Variants in CSGALNACT1 observed in about 807,000 individuals in gnomAD.
The protein encoded by CSGALNACT1 is beta4GalNAcT-1.
Under a neutral mutation model 51.0 loss-of-function variants are expected in CSGALNACT1, and 52 were observed. The ratio of observed to expected loss-of-function variants is 1.02; its 90% CI spans 0.82 to 1.29. The LOEUF (loss-of-function observed/expected upper bound fraction) is 1.29. Among genes scored for constraint, CSGALNACT1 ranks in the 50% most tolerant of loss-of-function variants. The probability of loss-of-function intolerance (pLI) is 0.00; values close to 1 mark genes in which losing one functional copy is unlikely to be tolerated. For missense variants in CSGALNACT1, 935 were observed against 679.2 expected, an observed-to-expected ratio of 1.38 and a Z score of -4.19; for synonymous variants, 341 against 254.4, an observed-to-expected ratio of 1.34 and a Z score of -3.24.
intron 4 of CSGALNACT1, among the ~76,000 whole-genome samples, chr8:19,499,177 G>A (rs1165840600): frequency 2.0e-5 from 3 of 152,244 alleles, no homozygotes; most frequent in South Asian, 2.1e-4. Context: ...TCCTCTGACC[G>A]ACCCATATCT....
At chr8:19,482,938 C>G (rs1383643330) in intron 4 of CSGALNACT1, among the ~76,000 whole-genome samples, 2 of 152,182 alleles carry the variant, frequency 1.3e-5, no homozygotes, top group African/African-American at 4.8e-5. Context: ...TTCTGAGGAG[C>G]AGTGAGTGGC....
At chr8:19,625,342 A>T (rs2054311491) in intron 1 of CSGALNACT1, among the ~76,000 whole-genome samples, 1 of 152,238 alleles carries the variant, frequency 6.6e-6, no homozygotes, top group African/African-American at 2.4e-5. Flanking sequence ...TGCTGTGTTT[A>T]AACAGTAAGA....
intron 1 of CSGALNACT1, among the ~76,000 whole-genome samples, chr8:19,690,223 G>A (rs1455777199): frequency 2.0e-5 from 3 of 152,178 alleles, no homozygotes; most frequent in Non-Finnish European, 4.4e-5. Context: ...AATTGCTAAA[G>A]TAACAGAAGA....
chr8:19,550,653 A>G (rs2087783680), intron 3 of CSGALNACT1, among the ~76,000 whole-genome samples: 1 of 152,096 alleles, frequency 6.6e-6, no homozygotes, highest in Non-Finnish European at 1.5e-5. Flanking sequence ...CCTGAAATCT[A>G]AAACTGTGCA....
chr8:19,518,122 C>T (rs55676623), intron 3 of CSGALNACT1, among the ~76,000 whole-genome samples: 8,365 of 152,234 alleles, frequency 0.055, 590 homozygotes, highest in African/African-American at 0.15. Context: ...ATGAGCAACA[C>T]TCCCCAGCCA....
intron 6 of CSGALNACT1, among the ~76,000 whole-genome samples, chr8:19,434,241 C>G (rs2060050984): frequency 6.6e-6 from 1 of 152,166 alleles, no homozygotes; most frequent in African/African-American, 2.4e-5. Flanking sequence ...ACAGTGCATT[C>G]TATTCCACTG....
chr8:19,439,453 G>A (rs78968865), intron 6 of CSGALNACT1, among the ~76,000 whole-genome samples: 2,251 of 152,276 alleles, frequency 0.015, 52 homozygotes, highest in African/African-American at 0.052. Context: ...TGGCTGAGAC[G>A]GAGCTCACTG....
intron 3 of CSGALNACT1, among the ~76,000 whole-genome samples, chr8:19,559,651 T>A (rs2040256977): frequency 6.6e-6 from 1 of 152,158 alleles, no homozygotes; most frequent in Non-Finnish European, 1.5e-5. Flanking sequence ...AATTTCTATG[T>A]ATATAAAAGC....
intron 5 of CSGALNACT1, among the ~76,000 whole-genome samples, chr8:19,452,371 G>A (rs2063325407): frequency 6.6e-6 from 1 of 151,368 alleles, no homozygotes; most frequent in Non-Finnish European, 1.5e-5. Context: ...TGAAAGTGGA[G>A]AGGGAAGGTA....
chr8:19,733,877 G>T (rs1436855542), intron 1 of CSGALNACT1, among the ~76,000 whole-genome samples: 1 of 152,128 alleles, frequency 6.6e-6, no homozygotes, highest in African/African-American at 2.4e-5. Context: ...ATACTGAAAA[G>T]GAAGGAACAG....
intron 4 of CSGALNACT1, among the ~76,000 whole-genome samples, chr8:19,484,600 G>T (rs1482128537): frequency 6.6e-6 from 1 of 152,164 alleles, no homozygotes; most frequent in African/African-American, 2.4e-5. Flanking sequence ...CAAGTTGCCT[G>T]GTTGCAGGAC....
intron 4 of CSGALNACT1, among the ~76,000 whole-genome samples, chr8:19,502,559 C>T (rs1372751639): frequency 2.0e-5 from 3 of 152,298 alleles, no homozygotes; most frequent in African/African-American, 2.4e-5. Flanking sequence ...ATTTCTTCTC[C>T]GTTTGGAACT....
In CSGALNACT1 at chr8:19,665,731, C is replaced by T. The variant is rs184990139; in HGVS notation, c.-544+16742G>A. 4.7e-4 allele frequency among the ~76,000 whole-genome samples: 71 copies of T among 152,322 alleles called. No individual in the cohort carries two copies. The East Asian group carries it at 9.1e-3, about 19-fold the overall frequency. On this transcript the variant is annotated intron_variant, in intron 1 of 9. Coordinates refer to the CSGALNACT1 transcript ENST00000332246. The stretch of plus-strand genomic sequence containing the variant: ...GTGGTCTTCTAAGCCTGACAAAGGA[C>T]GTCAATTTTCCCCATTCCTCTCTCT...
At chr8:19,747,510 T>C (rs1226808262) in intron 1 of CSGALNACT1, among the ~76,000 whole-genome samples, 2 of 152,146 alleles carry the variant, frequency 1.3e-5, no homozygotes, top group East Asian at 3.9e-4. Context: ...GTTACTTAAG[T>C]GAATAATATG....
intron 1 of CSGALNACT1, among the ~76,000 whole-genome samples, chr8:19,647,776 G>C (rs2057411095): frequency 6.6e-6 from 1 of 152,126 alleles, no homozygotes; most frequent in Non-Finnish European, 1.5e-5. Context: ...CTTTGGGACT[G>C]GTTTACTTAG....
intron 4 of CSGALNACT1, among the ~76,000 whole-genome samples, chr8:19,465,753 CT>C (rs1455500947): frequency 3.3e-5 from 5 of 152,186 alleles, no homozygotes; most frequent in African/African-American, 1.2e-4. Context: ...GGGCATCCCC[CT>C]GTCCAGGCTT....
At chr8:19,407,402 C>T (rs1026261117) in intron 9 of CSGALNACT1, among the ~76,000 whole-genome samples, 2 of 152,120 alleles carry the variant, frequency 1.3e-5, no homozygotes, top group African/African-American at 2.4e-5. Flanking sequence ...CCATGCCACA[C>T]CCTGAGGGCA....
intron 6 of CSGALNACT1, among the ~76,000 whole-genome samples, chr8:19,439,388 G>C (rs1318283425): frequency 6.6e-6 from 1 of 152,212 alleles, no homozygotes; most frequent in Non-Finnish European, 1.5e-5. Context: ...GGGTGAGACT[G>C]TTTGCTAAGT....
chr8:19,445,029 G>C (rs747329166), intron 5 of CSGALNACT1, among the ~76,000 whole-genome samples: 1 of 152,162 alleles, frequency 6.6e-6, no homozygotes, highest in South Asian at 2.1e-4. Context: ...GTGGAAGAAA[G>C]AGCACCTCAG....
Sources: allele counts gnomAD v4.1 joint callset (sites outside exome capture counted in the v4.1 genomes callset), GRCh38; gene constraint gnomAD v4.1.1; transcripts MANE v1.5; gene names NCBI Gene and HGNC (gene_info 2026-07-23, HGNC 2026-07-21).